The following ASH1L variants were observed in gnomAD, a reference collection of about 807,000 sequenced individuals.
ASH1L encodes histone-lysine N-methyltransferase ASH1L.
In ASH1L, 23 loss-of-function variants were observed where a neutral mutation model predicts 269.0. The observed-to-expected ratio is 0.09, with a 90% CI of 0.06 to 0.12. The LOEUF is 0.12. Ranked by LOEUF, ASH1L falls within the 10% of genes least tolerant of loss-of-function variation. ASH1L has a pLI of 1.00. For missense variants in ASH1L, 2,912 were observed against 3,567.8 expected (o/e 0.82, Z 4.68); for synonymous variants, 1,187 against 1,253.5 (o/e 0.95, Z 1.12).
rs769378000 is a variant in ASH1L at position 155,481,108 on chromosome 1, T to A, written c.1762A>T (p.Thr588Ser). 6.2e-7 allele frequency: 1 copy of A among 1,614,000 alleles called. No individual in the cohort carries two copies. The highest frequency in any genetic ancestry group is 8.5e-7 in the Non-Finnish European group (1 of 1,179,982). The change falls in exon 3 of 28, where the codon ACT (threonine) becomes TCT (serine). Residue 588 changes from threonine to serine, a missense_variant. Physicochemically the swap from Thr to Ser is moderately conservative, Grantham distance 58. Around this residue, in one of 13 missense-constraint regions of ASH1L, gnomAD observed 715 missense variants for 721.0 expected, o/e 0.99. Transcript: ENST00000392403. The part of the protein sequence containing the change: ...LAPNPLLLSS[T>S]TELIEEISES... ...GAAATTTCTTCGATTAGTTCTGTAG[T>A]AGAACTTAAAAGTAATGGATTAGGA...
At chr1:155,534,860 T>C (rs970573725) in intron 1 of ASH1L, among the ~76,000 whole-genome samples, 1 of 152,218 alleles carries the variant, frequency 6.6e-6, no homozygotes, top group South Asian at 2.1e-4. Context: ...TGCCATGTTA[T>C]AGATTAAACA....
intron 2 of ASH1L, among the ~76,000 whole-genome samples, chr1:155,488,502 CAAAAAAA>C (rs368511587): frequency 0.011 from 452 of 41,304 alleles, 1 homozygote; most frequent in Admixed American, 0.02. Context: ...ACTAAAAATA[CAAAAAAA>C]AAAAAAAAAA....
At chr1:155,412,898 T>C (rs958550414) in intron 6 of ASH1L, among the ~76,000 whole-genome samples, 1 of 152,034 alleles carries the variant, frequency 6.6e-6, no homozygotes, top group Non-Finnish European at 1.5e-5. Flanking sequence ...GTGTGTTTTT[T>C]TTTTTTTTAA....
At chr1:155,543,251 C>T (rs1050696882) in intron 1 of ASH1L, among the ~76,000 whole-genome samples, 7 of 151,912 alleles carry the variant, frequency 4.6e-5, no homozygotes, top group African/African-American at 1.7e-4. Flanking sequence ...TGGCTCATGC[C>T]TGTAATCACA....
rs1338551981 is a variant in ASH1L, at chr1:155,562,517, C to A, written c.-464G>T. On this transcript the variant is annotated 5_prime_UTR_variant, in exon 1 of 28. In the 5' UTR this introduces an upstream ATG that the reference lacks. Transcript: ENST00000392403. ...GGAGCGAAGGGCGCCTAGCGCCCCC[C>A]TCAACCTTCCACTCCTTCCTCCTTG... 6.6e-7 allele frequency: 1 copy of A among 1,515,398 alleles called. No homozygotes were observed. Among genetic ancestry groups the A allele is most frequent in the Non-Finnish European group, 8.9e-7 (1 of 1,126,196 alleles). The allele number at this position is 1,515,398 out of a possible 1,614,324, so 93.9% of individuals were successfully genotyped here.
rs569570535 is a variant in ASH1L at position 155,425,949 on chromosome 1, C to T, written c.5829-10026G>A. On this transcript the variant is annotated intron_variant, in intron 5 of 27. Coordinates refer to ENST00000392403, the MANE Select transcript of ASH1L (RefSeq NM_018489.3). ...TGTCACCCAGGCTGCAGTGCAGTGG[C>T]GCGATCTCGGCTCACTGCAAGCTCT... Among the ~76,000 whole-genome samples the T allele has an allele frequency of 5.9e-4, 87 of 148,700 alleles. 2 individuals are homozygous for T. The East Asian group carries it at 0.016, about 27-fold the overall frequency.
intron 12 of ASH1L, 92 bp downstream of exon 12, chr1:155,370,412 G>C: frequency 6.5e-7 from 1 of 1,544,484 alleles, no homozygotes. Context: ...GCTGCTTTGT[G>C]TAAGCTGACT....
chr1:155,387,643 T>C (rs1369267675), intron 7 of ASH1L, among the ~76,000 whole-genome samples: 3 of 152,230 alleles, frequency 2.0e-5, no homozygotes, highest in South Asian at 2.1e-4. Context: ...TCCATATGAA[T>C]GTTAAAATAG....
At chr1:155,532,398 CTACAAATT>C (rs1484791519) in intron 1 of ASH1L, among the ~76,000 whole-genome samples, 1 of 151,940 alleles carries the variant, frequency 6.6e-6, no homozygotes. Flanking sequence ...TAAAAACTAC[CTACAAATT>C]TACAAATACA....
At chr1:155,393,413 G>T (rs759512680) in intron 7 of ASH1L, among the ~76,000 whole-genome samples, 4 of 152,044 alleles carry the variant, frequency 2.6e-5, no homozygotes, top group Admixed American at 6.6e-5. Context: ...ACAAGACATA[G>T]GATCAACATC....
intron 1 of ASH1L, among the ~76,000 whole-genome samples, chr1:155,560,913 C>T (rs1026070761): frequency 2.0e-5 from 3 of 151,984 alleles, no homozygotes; most frequent in Non-Finnish European, 4.4e-5. Context: ...ACATATCTGA[C>T]ACAATCGGTC....
chr1:155,517,835 C>G (rs1395869445), intron 2 of ASH1L, among the ~76,000 whole-genome samples: 1 of 109,394 alleles, frequency 9.1e-6, no homozygotes, highest in Non-Finnish European at 1.7e-5. Flanking sequence ...GAGTCTCGCT[C>G]TGTCGCCCAG....
chr1:155,467,205 T>G (rs1240206342), intron 3 of ASH1L, among the ~76,000 whole-genome samples: 1 of 152,196 alleles, frequency 6.6e-6, no homozygotes, highest in Non-Finnish European at 1.5e-5. Flanking sequence ...TCACATATGC[T>G]GAAAAACAGG....
intron 3 of ASH1L, among the ~76,000 whole-genome samples, chr1:155,474,279 T>C (rs1448932458): frequency 2.0e-5 from 3 of 152,150 alleles, no homozygotes; most frequent in African/African-American, 7.2e-5. Context: ...CCTAACACAA[T>C]TTTTCAAATA....
At chr1:155,488,993 T>C (rs922284292) in intron 2 of ASH1L, among the ~76,000 whole-genome samples, 2 of 152,192 alleles carry the variant, frequency 1.3e-5, no homozygotes, top group African/African-American at 4.8e-5. Flanking sequence ...AATAAACAAG[T>C]GTACATTCTT....
At chr1:155,549,989 AC>A (rs1177748123) in intron 1 of ASH1L, among the ~76,000 whole-genome samples, 1 of 151,038 alleles carries the variant, frequency 6.6e-6, no homozygotes, top group Non-Finnish European at 1.5e-5. Flanking sequence ...TACACTCAAC[AC>A]CACAATCAGC....
chr1:155,483,548 T>C (rs1300834709), intron 2 of ASH1L, among the ~76,000 whole-genome samples: 2 of 151,828 alleles, frequency 1.3e-5, no homozygotes, highest in Non-Finnish European at 1.5e-5. Flanking sequence ...CGTATGAAAA[T>C]GTACTGCATG....
intron 5 of ASH1L, among the ~76,000 whole-genome samples, chr1:155,426,621 A>G (rs1247179481): frequency 1.3e-5 from 2 of 152,214 alleles, no homozygotes. Flanking sequence ...AACTTTTTAT[A>G]ATAGATTTGT....
chr1:155,370,331 G>A, intron 12 of ASH1L, 173 bp downstream of exon 12: 1 of 740,420 alleles, frequency 1.4e-6, no homozygotes, highest in Admixed American at 2.5e-5. Flanking sequence ...CTGTCTGGGA[G>A]TGAGAAGTTA....
Sources: gnomAD v4.1 joint callset for allele counts (sites outside exome capture counted in the v4.1 genomes callset) on GRCh38, gnomAD v4.1.1 for gene constraint, gnomAD v4.1.1 regional missense constraint, MANE v1.5 for transcripts, NCBI Gene and HGNC (gene_info 2026-07-23, HGNC 2026-07-21) for gene names.